The following SYT2 variants were observed in gnomAD, a reference collection of about 807,000 sequenced individuals.
SYT2 encodes the protein synaptotagmin 2, also known as synaptotagmin-2.
In SYT2, 15 loss-of-function variants were observed where a neutral mutation model predicts 39.9. That is an observed-to-expected ratio of 0.38 (90% CI 0.25 to 0.58). SYT2 has a LOEUF of 0.58. Ranked by LOEUF, SYT2 falls within the 20% of genes least tolerant of loss-of-function variation. SYT2 has a pLI of 0.70. For missense variants in SYT2, 389 were observed against 530.3 expected (o/e 0.73, Z 2.62); for synonymous variants, 181 against 204.5 (o/e 0.89, Z 0.98).
chr1:202,667,544 T>G (rs111729638), intron 1 of SYT2, among the ~76,000 whole-genome samples: 3,994 of 148,992 alleles, frequency 0.027, 171 homozygotes, highest in African/African-American at 0.095. Flanking sequence ...TCAGAAAGAG[T>G]TGTGGATACT....
Position 202,596,673 on chromosome 1 carries a change from C to T in SYT2, c.*84G>A, listed in dbSNP as rs532190349. 4.9e-5 allele frequency: 65 copies of T among 1,321,386 alleles called. No individual in the cohort carries two copies. In the African/African-American group the frequency reaches 8.5e-4, roughly 17 times the overall value. The allele number at this position is 1,321,386 out of a possible 1,614,324, so 81.9% of individuals were successfully genotyped here. ...CCAACAAATGAAAGAAAAAAGAAAA[C>T]CTCTAAGGTTGCATAACTGAGGTAT... On this transcript the variant is annotated 3_prime_UTR_variant, in exon 9 of 9. Coordinates refer to ENST00000367268, the MANE Select transcript of SYT2 (RefSeq NM_177402.5).
At position 202,614,855 on chromosome 1, in the gene SYT2, G is replaced by T. The variant is rs1170198731; in HGVS notation, c.-17-9066C>A. Among the ~76,000 whole-genome samples the T allele has an allele frequency of 6.6e-6, 1 of 152,224 alleles. No homozygotes were observed. Among genetic ancestry groups the T allele is most frequent in the Non-Finnish European group, 1.5e-5 (1 of 68,028 alleles). ...TCACGGTTCAGGGTGAGGCTGGCAG[G>T]CCGGGCAGGGCAGGATCAGGAGCAC... On this transcript the variant is annotated intron_variant, in intron 1 of 8. Coordinates refer to ENST00000367268, the MANE Select transcript of SYT2 (RefSeq NM_177402.5). This position sits in a 1 kb window ranked among gnomAD's most constrained non-coding sequence, Gnocchi z 4.0.
chr1:202,677,485 T>C (rs1291646639), intron 1 of SYT2, among the ~76,000 whole-genome samples: 1 of 152,156 alleles, frequency 6.6e-6, no homozygotes, highest in East Asian at 1.9e-4. Context: ...GAGGGATCCA[T>C]ATGGAGAAGA....
intron 1 of SYT2, among the ~76,000 whole-genome samples, chr1:202,612,999 A>G (rs1690927993): frequency 1.3e-5 from 2 of 150,742 alleles, no homozygotes; most frequent in African/African-American, 2.4e-5. Flanking sequence ...TTGCTAGTGT[A>G]TAGCAATATA....
chr1:202,633,305 A>G (rs1368294442), intron 1 of SYT2, among the ~76,000 whole-genome samples: 1 of 152,144 alleles, frequency 6.6e-6, no homozygotes, highest in African/African-American at 2.4e-5. Context: ...ACGGCTGGGT[A>G]GTTCATTGGA....
At chr1:202,690,998 G>A (rs1279245102) in intron 1 of SYT2, among the ~76,000 whole-genome samples, 8 of 152,162 alleles carry the variant, frequency 5.3e-5, no homozygotes, top group South Asian at 4.2e-4. Flanking sequence ...TCCAGTTCTC[G>A]TCCTACTCAC....
intron 1 of SYT2, chr1:202,630,577 A>T (rs528212229): frequency 5.3e-4 from 85 of 161,188 alleles, no homozygotes; most frequent in Non-Finnish European, 6.0e-4. Context: ...CAAACCACAG[A>T]CCATGATGGG....
chr1:202,671,013 G>A (rs768181977), intron 1 of SYT2, among the ~76,000 whole-genome samples: 26 of 152,282 alleles, frequency 1.7e-4, no homozygotes, highest in East Asian at 3.9e-4. Context: ...TGATACAGGC[G>A]AGGCCAAAGA....
chr1:202,613,691 G>C lies in SYT2; in HGVS notation c.-17-7902C>G, dbSNP rs187562504. Among the ~76,000 whole-genome samples the C allele has an allele frequency of 7.2e-4, 110 of 152,136 alleles. No individual in the cohort carries two copies. The South Asian group carries it at 0.011, about 15-fold the overall frequency. Reference sequence around the variant, plus strand: ...CTAGCTCCTCCATTCTACCCTTGCCGCTGGATTGGCAGTCCTCCTCCCCTT... The same window carrying C: ...CTAGCTCCTCCATTCTACCCTTGCCCCTGGATTGGCAGTCCTCCTCCCCTT... On this transcript the variant is annotated intron_variant, in intron 1 of 8. Coordinates refer to ENST00000367268, the MANE Select transcript of SYT2 (RefSeq NM_177402.5).
intron 3 of SYT2, 74 bp from the exon 4 acceptor site, chr1:202,603,192 G>A (rs534997126): frequency 9.2e-5 from 145 of 1,571,850 alleles, no homozygotes; most frequent in Admixed American, 3.1e-4. Context: ...ACAGGATGAC[G>A]GGAAACCAGC....
chr1:202,697,251 G>A (rs1653995394), intron 1 of SYT2, among the ~76,000 whole-genome samples: 1 of 152,226 alleles, frequency 6.6e-6, no homozygotes, highest in African/African-American at 2.4e-5. Context: ...ATCTCACATG[G>A]AGCAGTCCTG....
intron 3 of SYT2, chr1:202,604,183 T>C: frequency 2.8e-6 from 1 of 357,904 alleles, no homozygotes; most frequent in Non-Finnish European, 5.1e-6. Flanking sequence ...TTTCCAACAT[T>C]TTGTCCCAGT....
chr1:202,610,202 T>C (rs1690848219), intron 1 of SYT2, among the ~76,000 whole-genome samples: 1 of 152,228 alleles, frequency 6.6e-6, no homozygotes, highest in Non-Finnish European at 1.5e-5. Flanking sequence ...GTTGTAGATA[T>C]GCGGCATTAT....
rs372628488 is a variant in SYT2, at chr1:202,600,400, C to T, written c.876G>A (p.Leu292=). 4.5e-5 allele frequency: 72 copies of T among 1,614,226 alleles called. No homozygotes were observed. The highest frequency in any genetic ancestry group is 6.1e-5 in the Non-Finnish European group (72 of 1,180,042). The change falls in exon 7 of 9, where the codon CTG becomes CTA. Residue 292 remains leucine, a synonymous_variant. Transcript: ENST00000367268. ...CCATCTTCTTGAGGTTCTTAGCCTC[C>T]AGGATGCAGACAGTGAGCTTCCCGG... ...PTAGKLTVCI[L]EAKNLKKMDV...
chr1:202,638,114 C>G (rs1691791832), intron 1 of SYT2, among the ~76,000 whole-genome samples: 1 of 152,222 alleles, frequency 6.6e-6, no homozygotes, highest in South Asian at 2.1e-4. Context: ...CCAAATGCAC[C>G]CTTTGTTAAA....
At chr1:202,612,371 C>A (rs1273369427) in intron 1 of SYT2, among the ~76,000 whole-genome samples, 1 of 151,888 alleles carries the variant, frequency 6.6e-6, no homozygotes, top group African/African-American at 2.4e-5. Context: ...AATGGGTCTT[C>A]CAACTTTGTT....
In SYT2 at chr1:202,662,321, C is replaced by T. The variant is rs369652498; in HGVS notation, c.-18+47937G>A. On this transcript the variant is annotated intron_variant, in intron 1 of 8. Transcript: ENST00000367268. ...CTGCAGCCTCACTACTTCCTAAAGACGCAGAGATTACACTAATTGATCCCC... is the reference window on the plus strand; with the variant it reads ...CTGCAGCCTCACTACTTCCTAAAGATGCAGAGATTACACTAATTGATCCCC... Among the ~76,000 whole-genome samples, 24 of 152,352 alleles carry T rather than the reference C, an allele frequency of 1.6e-4. 1 individual carries two copies. Among genetic ancestry groups the T allele is most frequent in the Admixed American group, 7.8e-4 (12 of 15,306 alleles).
chr1:202,666,102 G>A (rs1015378760), intron 1 of SYT2, among the ~76,000 whole-genome samples: 17 of 147,712 alleles, frequency 1.2e-4, no homozygotes, highest in Middle Eastern at 3.5e-3. Context: ...GCAGTGAGCC[G>A]AGATCGTGCC....
chr1:202,678,273 CAAAAAAAAAAAA>C lies in SYT2; in HGVS notation c.-18+31973_-18+31984del, dbSNP rs773123862. On this transcript the variant is annotated intron_variant, in intron 1 of 8. Coordinates refer to ENST00000367268, the MANE Select transcript of SYT2 (RefSeq NM_177402.5). ...TGAGTGACAGAGCGAGACTCTGTCT[CAAAAAAAAAAAA>C]AAAAAAAAAAAAAAAACTAATAAAA... Among the ~76,000 whole-genome samples the C allele has an allele frequency of 4.4e-3, 134 of 30,736 alleles. No individual in the cohort carries two copies. The East Asian group carries it at 0.089, about 20-fold the overall frequency. The allele number at this position is 30,736 out of a possible 152,430, so 20.2% of individuals were successfully genotyped here.
Sources: gnomAD v4.1 joint callset for allele counts (sites outside exome capture counted in the v4.1 genomes callset) on GRCh38, gnomAD v4.1.1 for gene constraint, Gnocchi (gnomAD v3.1) non-coding constraint, MANE v1.5 for transcripts, NCBI Gene and HGNC (gene_info 2026-07-23, HGNC 2026-07-21) for gene names.